The following PHACTR3 variants were observed in gnomAD, a reference collection of about 807,000 sequenced individuals.
PHACTR3 encodes phosphatase and actin regulator 3.
In PHACTR3, 16 loss-of-function variants were observed where a neutral mutation model predicts 66.8. That is an observed-to-expected ratio of 0.24 (90% confidence interval 0.16 to 0.36). PHACTR3 has a LOEUF of 0.36. PHACTR3 is among the 10% of genes least tolerant of loss of function. The pLI is 1.00. For missense variants in PHACTR3, 647 were observed against 719.9 expected (o/e 0.90, Z 1.16); for synonymous variants, 323 against 292.1 (o/e 1.11, Z -1.08).
intron 1 of PHACTR3, among the ~76,000 whole-genome samples, chr20:59,677,116 A>G (rs1275176006): frequency 2.0e-5 from 3 of 152,216 alleles, no homozygotes; most frequent in Non-Finnish European, 4.4e-5. Context: ...AATTCCCCTC[A>G]GATGCCTTTT....
At position 59,657,918 on chromosome 20, in the gene PHACTR3, T is replaced by C. The variant is rs140069615; in HGVS notation, c.118+52786T>C. On this transcript the variant is annotated intron_variant, in intron 1 of 12. Coordinates refer to ENST00000371015, the MANE Select transcript of PHACTR3 (RefSeq NM_080672.5). ...TTTCTGCTTCTTTTTCACTCTTCTCTTATTCTGGTACTCCCATTATACATA... is the reference window on the plus strand; with the variant it reads ...TTTCTGCTTCTTTTTCACTCTTCTCCTATTCTGGTACTCCCATTATACATA... Among the ~76,000 whole-genome samples, 1,365 of 152,318 alleles carry C rather than the reference T, an allele frequency of 9.0e-3. 27 individuals are homozygous for C. Among genetic ancestry groups the C allele is most frequent in the African/African-American group, 0.031 (1,285 of 41,578 alleles).
intron 1 of PHACTR3, among the ~76,000 whole-genome samples, chr20:59,585,841 T>G (rs2033012666): frequency 1.3e-5 from 2 of 152,188 alleles, no homozygotes. Flanking sequence ...GGAAAGCCAT[T>G]TAGCAAAAAG....
At chr20:59,802,072 ACT>A (rs2041429265) in intron 7 of PHACTR3, among the ~76,000 whole-genome samples, 1 of 151,764 alleles carries the variant, frequency 6.6e-6, no homozygotes, top group Non-Finnish European at 1.5e-5. Flanking sequence ...CTTCTTAACC[ACT>A]CTGTGCTTCG....
intron 7 of PHACTR3, among the ~76,000 whole-genome samples, chr20:59,786,219 G>A (rs964277581): frequency 6.6e-6 from 1 of 152,216 alleles, no homozygotes; most frequent in Admixed American, 6.5e-5. Flanking sequence ...CTGGTGTCTG[G>A]GGGCCTTGGC....
intron 1 of PHACTR3, among the ~76,000 whole-genome samples, chr20:59,597,773 T>C (rs2146320955): frequency 6.6e-6 from 1 of 152,314 alleles, no homozygotes; most frequent in East Asian, 1.9e-4. Context: ...TAGCGTTTCA[T>C]CCTCCTGTGT....
chr20:59,811,776 C>CA (rs2041743450), intron 8 of PHACTR3, among the ~76,000 whole-genome samples: 2 of 152,178 alleles, frequency 1.3e-5, no homozygotes, highest in Admixed American at 1.3e-4. Context: ...AACAGTGCAG[C>CA]AAGCAGGCTA....
At chr20:59,610,320 A>G (rs2033809683) in intron 1 of PHACTR3, among the ~76,000 whole-genome samples, 1 of 152,186 alleles carries the variant, frequency 6.6e-6, no homozygotes, top group Non-Finnish European at 1.5e-5. Flanking sequence ...GCCAATGACA[A>G]TGGACCCCTT....
intron 3 of PHACTR3, among the ~76,000 whole-genome samples, chr20:59,751,165 C>A (rs930319322): frequency 2.0e-5 from 3 of 152,158 alleles, no homozygotes; most frequent in African/African-American, 7.2e-5. Context: ...GGGTGAGGAG[C>A]AGAGGCGCTT....
rs546836996 is a variant in PHACTR3, at chr20:59,592,921, C to T, written c.109+15304C>T. ...TGCTGAAGGACATCTTGGTTGCTTC[C>T]AAATTTTGACAATTATGAATAAAGT... On this transcript the variant is annotated intron_variant, in intron 1 of 12. Coordinates refer to the PHACTR3 transcript ENST00000359926. 1.6e-4 allele frequency among the ~76,000 whole-genome samples: 25 copies of T among 152,264 alleles called. No homozygotes were observed. In the South Asian group the frequency reaches 4.8e-3, roughly 29 times the overall value.
intron 4 of PHACTR3, among the ~76,000 whole-genome samples, chr20:59,756,393 A>G (rs1175635833): frequency 6.6e-6 from 1 of 152,148 alleles, no homozygotes; most frequent in East Asian, 1.9e-4. Context: ...GAGCGGGTGG[A>G]CACCTGGTCC....
intron 1 of PHACTR3, among the ~76,000 whole-genome samples, 166 bp from the exon 2 acceptor site, chr20:59,742,941 G>A (rs1425356555): frequency 1.3e-5 from 2 of 152,180 alleles, no homozygotes; most frequent in Non-Finnish European, 2.9e-5. Context: ...GCACGCTGCT[G>A]AGCTGCTGCG....
intron 1 of PHACTR3, among the ~76,000 whole-genome samples, chr20:59,725,327 G>T (rs1364743420): frequency 6.6e-6 from 1 of 150,968 alleles, no homozygotes; most frequent in Non-Finnish European, 1.5e-5. Context: ...GCTCAGGTGG[G>T]TGTGAGCCCA....
intron 7 of PHACTR3, among the ~76,000 whole-genome samples, chr20:59,802,518 C>T: frequency 6.6e-6 from 1 of 152,168 alleles, no homozygotes; most frequent in East Asian, 1.9e-4. Flanking sequence ...CTGGGATTCT[C>T]CTGAGCATCC....
intron 7 of PHACTR3, among the ~76,000 whole-genome samples, chr20:59,798,279 G>T (rs994654367): frequency 6.6e-6 from 1 of 152,138 alleles, no homozygotes; most frequent in Non-Finnish European, 1.5e-5. Flanking sequence ...ATTCATGATG[G>T]AGGAGACCTC....
At chr20:59,652,206 T>G (rs1023424392) in intron 1 of PHACTR3, among the ~76,000 whole-genome samples, 4 of 152,166 alleles carry the variant, frequency 2.6e-5, no homozygotes, top group Non-Finnish European at 4.4e-5. Flanking sequence ...CTCACTCACA[T>G]GAGGGAAGGC....
At chr20:59,579,172 G>T (rs2032797358) in intron 1 of PHACTR3, among the ~76,000 whole-genome samples, 1 of 152,242 alleles carries the variant, frequency 6.6e-6, no homozygotes, top group African/African-American at 2.4e-5. Context: ...GCTTGGCAGT[G>T]TGTTCAGGGC....
intron 7 of PHACTR3, among the ~76,000 whole-genome samples, chr20:59,784,802 A>G (rs2040847818): frequency 6.6e-6 from 1 of 152,302 alleles, no homozygotes; most frequent in South Asian, 2.1e-4. Flanking sequence ...CACCTGCCTT[A>G]TAGGGCTGCG....
intron 12 of PHACTR3, among the ~76,000 whole-genome samples, chr20:59,846,685 C>T (rs1451518022): frequency 5.5e-4 from 84 of 152,148 alleles, no homozygotes; most frequent in African/African-American, 1.9e-3. Context: ...AAAATTATTT[C>T]AACAATTCAA....
chr20:59,847,565 ACT>A lies in PHACTR3; in HGVS notation c.*438_*439del, dbSNP rs2059174119. 1 of 155,770 alleles carries A rather than the reference ACT, an allele frequency of 6.4e-6. No individual in the cohort carries two copies. The highest frequency in any genetic ancestry group is 2.4e-5 in the African/African-American group (1 of 41,454). The allele number at this position is 155,770 out of a possible 1,614,324, so 9.6% of individuals were successfully genotyped here. A position where few individuals can be genotyped will look rare whatever the true frequency, so the allele number is the denominator to read the frequency against. ...TATCCTGATCATAATTAATTTGAAA[ACT>A]CTTTAAGTTCATGTTATACAAGATG... On this transcript the variant is annotated 3_prime_UTR_variant, in exon 13 of 13. Coordinates refer to ENST00000371015, the MANE Select transcript of PHACTR3 (RefSeq NM_080672.5).
Sources: allele counts gnomAD v4.1 joint callset (sites outside exome capture counted in the v4.1 genomes callset), GRCh38; gene constraint gnomAD v4.1.1; transcripts MANE v1.5; gene names NCBI Gene and HGNC (gene_info 2026-07-23, HGNC 2026-07-21).